Variants in CCDC7 observed in about 807,000 individuals in gnomAD.
CCDC7 encodes coiled-coil domain containing 7.
Under a neutral mutation model 196.9 loss-of-function variants are expected in CCDC7, and 183 were observed. The ratio of observed to expected loss-of-function variants is 0.93; its 90% confidence interval spans 0.82 to 1.05. The LOEUF is 1.05. Among genes scored for constraint, CCDC7 ranks in the 50% least tolerant of loss-of-function variants. CCDC7 has a pLI of 0.00. For synonymous variants in CCDC7, 525 were observed against 484.6 expected, an observed-to-expected ratio of 1.08 and a Z score of -1.10; for missense variants, 1,540 against 1,482.2, an observed-to-expected ratio of 1.04 and a Z score of -0.64.
At chr10:32,859,184 C>T (rs529752366) in intron 41 of CCDC7, among the ~76,000 whole-genome samples, 17 of 152,264 alleles carry the variant, frequency 1.1e-4, no homozygotes, top group African/African-American at 4.1e-4. Context: ...CACTCCTTAG[C>T]AAATGCAGAA....
At position 32,738,034 on chromosome 10, in the gene CCDC7, A is replaced by G. The variant is rs563433172; in HGVS notation, c.2905+8577A>G. Among the ~76,000 whole-genome samples, 3 of 152,192 alleles carry G rather than the reference A, an allele frequency of 2.0e-5. No homozygotes were observed. The South Asian group carries it at 6.2e-4, about 32-fold the overall frequency. ...TCACATTTAAAGTGATTATTGACATATTTGCTTCAATATCAACCGTATTTG... is the reference window on the plus strand; with the variant it reads ...TCACATTTAAAGTGATTATTGACATGTTTGCTTCAATATCAACCGTATTTG... On this transcript the variant is annotated intron_variant, in intron 28 of 41. Transcript: ENST00000639629.
intron 15 of CCDC7, 91 bp downstream of exon 16, chr10:32,567,982 A>G: frequency 1.5e-6 from 2 of 1,306,516 alleles, no homozygotes; most frequent in South Asian, 3.7e-5. Context: ...TATGTTATTT[A>G]AAAATTCATG....
intron 5 of CCDC7, among the ~76,000 whole-genome samples, chr10:32,465,951 T>A (rs899507952): frequency 5.3e-5 from 8 of 152,214 alleles, no homozygotes; most frequent in African/African-American, 1.9e-4. Context: ...ATTCCTGATA[T>A]TTAATCTATC....
intron 41 of CCDC7, among the ~76,000 whole-genome samples, chr10:32,857,227 G>C (rs1435956018): frequency 6.6e-6 from 1 of 152,124 alleles, no homozygotes; most frequent in African/African-American, 2.4e-5. Flanking sequence ...GCAGGTGACA[G>C]TCTCCCCAAG....
At chr10:32,603,528 G>GTT (rs34716123) in intron 18 of CCDC7, among the ~76,000 whole-genome samples, 1 of 145,662 alleles carries the variant, frequency 6.9e-6, no homozygotes, top group South Asian at 2.1e-4. Context: ...CCTCTATAAT[G>GTT]TTTTTTTTAA....
chr10:32,835,771 A>G (rs2135982583), intron 33 of CCDC7, among the ~76,000 whole-genome samples: 1 of 152,204 alleles, frequency 6.6e-6, no homozygotes, highest in Middle Eastern at 3.4e-3. Context: ...AATCTGTACA[A>G]CAAACCCCCA....
intron 23 of CCDC7, among the ~76,000 whole-genome samples, chr10:32,690,935 G>T (rs775460331): frequency 1.3e-5 from 2 of 152,180 alleles, no homozygotes; most frequent in Admixed American, 6.5e-5. Flanking sequence ...CATTTTGGTG[G>T]TGTCCTCAGA....
intron 8 of CCDC7, among the ~76,000 whole-genome samples, chr10:32,477,776 C>G (rs1330363922): frequency 6.6e-6 from 1 of 152,124 alleles, no homozygotes; most frequent in Non-Finnish European, 1.5e-5. Flanking sequence ...TGGGTAGTGT[C>G]AGTCCTCCAA....
At position 32,770,664 on chromosome 10, in the gene CCDC7, C is replaced by T. The variant is rs541757096; in HGVS notation, c.2906-8313C>T. 2.0e-5 allele frequency among the ~76,000 whole-genome samples: 3 copies of T among 152,198 alleles called. No individual in the cohort carries two copies. In the East Asian group the frequency reaches 5.8e-4, roughly 29 times the overall value. ...AGCATGTCATTTAAGTCCGTTGTTT[C>T]TCTGTTGACTTTTTGTCTCAAAGAT... On this transcript the variant is annotated intron_variant, in intron 28 of 41. Coordinates refer to ENST00000639629, the Ensembl canonical transcript of CCDC7.
chr10:32,535,888 T>A (rs1206568339), intron 11 of CCDC7, among the ~76,000 whole-genome samples: 1 of 152,180 alleles, frequency 6.6e-6, no homozygotes, highest in Non-Finnish European at 1.5e-5. Context: ...GGTTAAATAT[T>A]TGGATTTCCT....
At chr10:32,475,750 C>T (rs2038857270) in intron 8 of CCDC7, among the ~76,000 whole-genome samples, 1 of 152,176 alleles carries the variant, frequency 6.6e-6, no homozygotes, top group Admixed American at 6.5e-5. Flanking sequence ...TCTGGCCACA[C>T]TTAATCCTCT....
intron 24 of CCDC7, among the ~76,000 whole-genome samples, chr10:32,702,333 A>C (rs2078902714): frequency 6.6e-6 from 1 of 152,008 alleles, no homozygotes; most frequent in South Asian, 2.1e-4. Flanking sequence ...AGCGGTTTTG[A>C]GTGACTTTCT....
intron 21 of CCDC7, among the ~76,000 whole-genome samples, chr10:32,667,722 G>A (rs1033531201): frequency 6.6e-6 from 1 of 152,036 alleles, no homozygotes; most frequent in African/African-American, 2.4e-5. Context: ...TGTCCCATTG[G>A]TCCATATCTC....
At chr10:32,822,885 A>G (rs963489918) in intron 31 of CCDC7, among the ~76,000 whole-genome samples, 4 of 152,182 alleles carry the variant, frequency 2.6e-5, no homozygotes, top group African/African-American at 9.6e-5. Flanking sequence ...GACTTTTACT[A>G]GTTGATAAAT....
chr10:32,556,744 T>C (rs926216757), intron 13 of CCDC7, among the ~76,000 whole-genome samples: 1 of 152,250 alleles, frequency 6.6e-6, no homozygotes, highest in African/African-American at 2.4e-5. Flanking sequence ...ATGTTTGCTT[T>C]CTTTAAAAAT....
chr10:32,725,320 C>G, intron 25 of CCDC7: 1 of 470,822 alleles, frequency 2.1e-6, no homozygotes, highest in South Asian at 1.5e-5. Context: ...AAAAACAAAC[C>G]TACTAAAAGA....
At chr10:32,868,634 T>A (rs574565360) in intron 41 of CCDC7, among the ~76,000 whole-genome samples, 33 of 152,158 alleles carry the variant, frequency 2.2e-4, no homozygotes, top group Non-Finnish European at 3.5e-4. Context: ...TAGTTACATA[T>A]GTATCCATGT....
Position 32,837,181 on chromosome 10 carries a change from G to A in CCDC7, c.3352+2283G>A, listed in dbSNP as rs191869751. 4.9e-4 allele frequency among the ~76,000 whole-genome samples: 75 copies of A among 151,856 alleles called. No individual in the cohort carries two copies. The East Asian group carries it at 0.013, about 26-fold the overall frequency. ...AATTTTTGCAATCTACTCATCTGAC[G>A]AAGGGCTAATGTCCAGAATCTACAA... On this transcript the variant is annotated intron_variant, in intron 33 of 41. Transcript: ENST00000639629.
intron 28 of CCDC7, among the ~76,000 whole-genome samples, chr10:32,776,160 C>T (rs7917630): frequency 0.92 from 131,354 of 142,984 alleles, 61,396 homozygotes; most frequent in East Asian, 1. Context: ...AGGGATAGCA[C>T]TGGGAGATAT....
Sources: gnomAD v4.1 joint callset for allele counts (sites outside exome capture counted in the v4.1 genomes callset) on GRCh38, gnomAD v4.1.1 for gene constraint, MANE v1.5 for transcripts, NCBI Gene and HGNC (gene_info 2026-07-23, HGNC 2026-07-21) for gene names.